SPAG16: variants seen among roughly 807,000 people sequenced by gnomAD.
SPAG16 encodes the protein sperm-associated antigen 16 protein.
A neutral mutation model predicts 80.4 loss-of-function variants in SPAG16; 86 were observed. The observed-to-expected ratio is 1.07, with a 90% CI of 0.90 to 1.28. The LOEUF (loss-of-function observed/expected upper bound fraction) is 1.28. SPAG16 is among the 50% of genes most tolerant of loss of function. The probability of loss-of-function intolerance (pLI) is 0.00; values close to 1 mark genes in which losing one functional copy is unlikely to be tolerated. For synonymous variants in SPAG16, 294 were observed against 265.9 expected (o/e 1.11, Z -1.03); for missense variants, 870 against 765.3 (o/e 1.14, Z -1.61).
chr2:213,374,354 G>C (rs917645822), intron 8 of SPAG16, among the ~76,000 whole-genome samples: 3 of 151,986 alleles, frequency 2.0e-5, no homozygotes, highest in African/African-American at 7.2e-5. Context: ...ATTTGTGTTA[G>C]TGATTATAAC....
rs182166021 is a variant in SPAG16, at chr2:213,410,063, G to C, written c.942+34944G>C. On this transcript the variant is annotated intron_variant, in intron 9 of 15. Transcript: ENST00000331683. ...ACCCTACCTTGTGCTGCTAACCACC[G>C]AGACTGCTGTTCGTACAGCAAAAAG... Among the ~76,000 whole-genome samples the C allele has an allele frequency of 3.6e-3, 554 of 152,036 alleles. 3 individuals carry two copies. The highest frequency in any genetic ancestry group is 0.012 in the African/African-American group (487 of 41,438).
intron 10 of SPAG16, among the ~76,000 whole-genome samples, chr2:213,821,885 A>AT (rs201076308): frequency 6.6e-6 from 1 of 152,064 alleles, no homozygotes; most frequent in Non-Finnish European, 1.5e-5. Context: ...ATGGGATCTC[A>AT]TTTTTTTGTA....
At chr2:213,313,645 G>C (rs1304383724) in intron 4 of SPAG16, among the ~76,000 whole-genome samples, 2 of 151,712 alleles carry the variant, frequency 1.3e-5, no homozygotes, top group Non-Finnish European at 2.9e-5. Context: ...AATTAATAAA[G>C]GTGCCTTTTG....
At chr2:214,170,674 T>C (rs79587545) in intron 15 of SPAG16, among the ~76,000 whole-genome samples, 2,494 of 152,134 alleles carry the variant, frequency 0.016, 64 homozygotes, top group African/African-American at 0.057. Flanking sequence ...TACTGATCAA[T>C]TTCAGGTCAA....
intron 9 of SPAG16, among the ~76,000 whole-genome samples, chr2:213,463,729 A>C (rs2072514662): frequency 6.6e-6 from 1 of 152,262 alleles, no homozygotes; most frequent in African/African-American, 2.4e-5. Flanking sequence ...GCAGGGGCGG[A>C]GCCCTCATGG....
At chr2:213,508,310 C>T (rs1184332532) in intron 10 of SPAG16, among the ~76,000 whole-genome samples, 11 of 152,172 alleles carry the variant, frequency 7.2e-5, no homozygotes, top group Non-Finnish European at 1.5e-4. Flanking sequence ...CGGTGGCTCA[C>T]GCCTGTAATC....
At chr2:214,193,209 A>G (rs972506156) in intron 15 of SPAG16, among the ~76,000 whole-genome samples, 12 of 152,026 alleles carry the variant, frequency 7.9e-5, no homozygotes, top group African/African-American at 2.9e-4. Context: ...TAAAAAATAC[A>G]TCTATGAGCA....
intron 15 of SPAG16, among the ~76,000 whole-genome samples, chr2:214,264,452 T>G (rs1691404742): frequency 6.6e-6 from 1 of 152,156 alleles, no homozygotes; most frequent in African/African-American, 2.4e-5. Context: ...TTTTTTTTAT[T>G]TAATAGACTT....
chr2:213,309,186 T>C (rs190597357), intron 3 of SPAG16, among the ~76,000 whole-genome samples: 9 of 152,274 alleles, frequency 5.9e-5, no homozygotes, highest in Admixed American at 5.2e-4. Flanking sequence ...CAACTTGTAC[T>C]TTAGGTTTTG....
intron 13 of SPAG16, among the ~76,000 whole-genome samples, chr2:214,106,798 C>T (rs2053405947): frequency 6.6e-6 from 1 of 152,118 alleles, no homozygotes; most frequent in Admixed American, 6.6e-5. Context: ...ACTCTTCTGA[C>T]TGACTTCTTT....
At chr2:213,330,381 G>C (rs946975702) in intron 5 of SPAG16, among the ~76,000 whole-genome samples, 2 of 152,206 alleles carry the variant, frequency 1.3e-5, no homozygotes, top group Admixed American at 6.5e-5. Context: ...TCTTGTATCA[G>C]CGTGACCTGG....
intron 15 of SPAG16, among the ~76,000 whole-genome samples, chr2:214,213,948 T>C (rs563201009): frequency 1.1e-4 from 17 of 152,204 alleles, no homozygotes; most frequent in Middle Eastern, 6.8e-3. Context: ...TTTTAAGGGA[T>C]CTTATTTTCT....
chr2:213,511,451 T>G (rs2125815417), intron 10 of SPAG16, among the ~76,000 whole-genome samples: 1 of 152,292 alleles, frequency 6.6e-6, no homozygotes, highest in East Asian at 1.9e-4. Context: ...TTGTTAGGGG[T>G]AATTTTAAAT....
chr2:214,162,255 G>A (rs1359889350), intron 15 of SPAG16, among the ~76,000 whole-genome samples: 9 of 152,090 alleles, frequency 5.9e-5, no homozygotes, highest in Admixed American at 5.9e-4. Context: ...GAATGAGCAG[G>A]TCAAATGAAA....
chr2:213,480,135 G>A (rs189990021), intron 9 of SPAG16, among the ~76,000 whole-genome samples: 2 of 152,302 alleles, frequency 1.3e-5, no homozygotes, highest in Admixed American at 6.5e-5. Flanking sequence ...ATCTTGAGTA[G>A]CTAATAGTAG....
At position 213,870,521 on chromosome 2, in the gene SPAG16, T is replaced by G. The variant is rs568147118; in HGVS notation, c.1214+7893T>G. Among the ~76,000 whole-genome samples, 139 of 152,340 alleles carry G rather than the reference T, an allele frequency of 9.1e-4. 1 individual carries two copies. Among genetic ancestry groups the G allele is most frequent in the African/African-American group, 3.2e-3 (135 of 41,576 alleles). On this transcript the variant is annotated intron_variant, in intron 11 of 15. Coordinates refer to ENST00000331683, the MANE Select transcript of SPAG16 (RefSeq NM_024532.5). ...AAGATGCGACTTTTAAAATCAGACT[T>G]ATTTTCCAGTATGGGTGTGGAAGAG... is the stretch of plus-strand genomic sequence containing the variant.
At chr2:213,850,879 A>G (rs924809842) in intron 10 of SPAG16, among the ~76,000 whole-genome samples, 1 of 152,008 alleles carries the variant, frequency 6.6e-6, no homozygotes, top group Non-Finnish European at 1.5e-5. Flanking sequence ...TTATATTTTT[A>G]TTTTCACTTT....
chr2:213,583,292 T>C (rs1324665883), intron 10 of SPAG16, among the ~76,000 whole-genome samples: 7 of 152,138 alleles, frequency 4.6e-5, no homozygotes, highest in Non-Finnish European at 1.0e-4. Flanking sequence ...TTTGGAAAAT[T>C]ATAAGTAACG....
chr2:213,743,826 T>A lies in SPAG16; in HGVS notation c.1071-118659T>A, dbSNP rs368898656. 4.6e-4 allele frequency among the ~76,000 whole-genome samples: 70 copies of A among 152,334 alleles called. 1 individual carries two copies. The highest frequency in any genetic ancestry group is 1.6e-3 in the African/African-American group (66 of 41,574). On this transcript the variant is annotated intron_variant, in intron 10 of 15. Transcript: ENST00000331683. ...CAGCCATAGCATCTTCAAATACTTGTCTCTGTCCCATTTTCCCACTGTTCT... is the reference window on the plus strand; with the variant it reads ...CAGCCATAGCATCTTCAAATACTTGACTCTGTCCCATTTTCCCACTGTTCT...
Sources: allele counts gnomAD v4.1 joint callset (sites outside exome capture counted in the v4.1 genomes callset), GRCh38; gene constraint gnomAD v4.1.1; transcripts MANE v1.5; gene names NCBI Gene and HGNC (gene_info 2026-07-23, HGNC 2026-07-21).